Variants in SLC9A2 observed in about 807,000 individuals in gnomAD.
SLC9A2 encodes solute carrier family 9 member A2, also known as sodium/hydrogen exchanger 2.
In SLC9A2, 42 loss-of-function variants were observed where a neutral mutation model predicts 71.7. The observed-to-expected ratio is 0.59, with a 90% CI of 0.46 to 0.76. SLC9A2 has a LOEUF of 0.76. Ranked by LOEUF, SLC9A2 falls within the 30% of genes least tolerant of loss-of-function variation. The pLI is 0.00. For missense variants in SLC9A2, 829 were observed against 1,017.4 expected (o/e 0.81, Z 2.52); for synonymous variants, 396 against 392.5 (o/e 1.01, Z -0.10).
At chr2:102,705,105 C>T (rs1011822168) in intron 10 of SLC9A2, among the ~76,000 whole-genome samples, 4 of 151,840 alleles carry the variant, frequency 2.6e-5, no homozygotes, top group Non-Finnish European at 2.9e-5. Context: ...TCTTGGGAGA[C>T]TGAGACAGAA....
intron 5 of SLC9A2, among the ~76,000 whole-genome samples, chr2:102,693,407 T>C (rs1677700454): frequency 6.6e-6 from 1 of 152,210 alleles, no homozygotes. Context: ...CATCCTTGTG[T>C]TATTTCTGGC....
At chr2:102,678,341 CAG>C (rs750233161) in intron 3 of SLC9A2, among the ~76,000 whole-genome samples, 2 of 132,638 alleles carry the variant, frequency 1.5e-5, no homozygotes. Flanking sequence ...AAAAAAAAAA[CAG>C]AGAGAGAGAG....
chr2:102,703,134 G>A (rs901038161), intron 9 of SLC9A2, among the ~76,000 whole-genome samples: 1 of 152,186 alleles, frequency 6.6e-6, no homozygotes, highest in Non-Finnish European at 1.5e-5. Flanking sequence ...TCATGTGGGG[G>A]CTGTTTCAGC....
chr2:102,668,272 C>T lies in SLC9A2; in HGVS notation c.1004+2922C>T, dbSNP rs189656480. On this transcript the variant is annotated intron_variant, in intron 3 of 11. Transcript: ENST00000233969. ...TATGTTTGTTCTCAGAAGTTATACC[C>T]TCTTTTCTAATGCGGGGTAATCAGT... Among the ~76,000 whole-genome samples the T allele has an allele frequency of 4.9e-3, 746 of 152,266 alleles. 5 individuals are homozygous for T. The highest frequency in any genetic ancestry group is 0.017 in the African/African-American group (697 of 41,550).
intron 1 of SLC9A2, among the ~76,000 whole-genome samples, chr2:102,636,782 T>A (rs935840307): frequency 7.9e-5 from 12 of 152,186 alleles, no homozygotes; most frequent in African/African-American, 2.7e-4. Context: ...AGAGTCTTTA[T>A]CAGCACTGGC....
chr2:102,704,307 A>C (rs1308786893), intron 9 of SLC9A2, among the ~76,000 whole-genome samples: 1 of 151,902 alleles, frequency 6.6e-6, no homozygotes, highest in Non-Finnish European at 1.5e-5. Flanking sequence ...CAAGACCCCA[A>C]CTCTAAAAAA....
intron 1 of SLC9A2, among the ~76,000 whole-genome samples, chr2:102,621,194 G>T (rs1176944808): frequency 1.3e-5 from 2 of 151,726 alleles, no homozygotes; most frequent in Admixed American, 6.6e-5. Flanking sequence ...TAGGTAGCCT[G>T]GTGTTGTGGT....
chr2:102,691,379 T>G (rs1238215342), intron 5 of SLC9A2, among the ~76,000 whole-genome samples: 1 of 152,152 alleles, frequency 6.6e-6, no homozygotes, highest in East Asian at 1.9e-4. Context: ...AATTAGAAAT[T>G]TTCTAATGTG....
intron 7 of SLC9A2, among the ~76,000 whole-genome samples, chr2:102,698,199 G>GA (rs1381519475): frequency 6.6e-6 from 1 of 152,130 alleles, no homozygotes; most frequent in Non-Finnish European, 1.5e-5. Context: ...ATTAAAAGTA[G>GA]AGAAAAGTAA....
chr2:102,694,918 T>C, intron 6 of SLC9A2, 125 bp from the exon 7 acceptor site: 1 of 751,626 alleles, frequency 1.3e-6, no homozygotes. Flanking sequence ...CTTTTGGTAA[T>C]AAATAATAAA....
intron 4 of SLC9A2, among the ~76,000 whole-genome samples, chr2:102,683,860 T>C (rs1036315181): frequency 2.0e-5 from 3 of 152,170 alleles, no homozygotes; most frequent in Admixed American, 6.5e-5. Context: ...CTTCCTGATA[T>C]ATTCTTTTCT....
At chr2:102,636,045 A>T (rs1676462769) in intron 1 of SLC9A2, among the ~76,000 whole-genome samples, 1 of 152,210 alleles carries the variant, frequency 6.6e-6, no homozygotes, top group Non-Finnish European at 1.5e-5. Flanking sequence ...TGAATGTGTT[A>T]GTAGGTTTGA....
chr2:102,687,335 T>C (rs1458890081), intron 5 of SLC9A2, among the ~76,000 whole-genome samples: 1 of 152,032 alleles, frequency 6.6e-6, no homozygotes, highest in African/African-American at 2.4e-5. Flanking sequence ...AATACACACA[T>C]ACTCCCTTCA....
chr2:102,664,771 G>C (rs1486815955), intron 2 of SLC9A2, among the ~76,000 whole-genome samples: 1 of 152,106 alleles, frequency 6.6e-6, no homozygotes, highest in African/African-American at 2.4e-5. Context: ...GTGCTGGATA[G>C]CAAACAAATA....
chr2:102,680,002 G>C (rs914965825), intron 3 of SLC9A2, among the ~76,000 whole-genome samples: 3 of 152,220 alleles, frequency 2.0e-5, no homozygotes, highest in Non-Finnish European at 4.4e-5. Flanking sequence ...AGGCTGGGTA[G>C]TGGGTACTTT....
At chr2:102,645,339 GA>G (rs1056624155) in intron 1 of SLC9A2, among the ~76,000 whole-genome samples, 3 of 151,690 alleles carry the variant, frequency 2.0e-5, no homozygotes, top group Admixed American at 1.3e-4. Flanking sequence ...CCACAAAGAC[GA>G]AAAAAAACCA....
At chr2:102,682,885 T>C (rs1346635476) in intron 3 of SLC9A2, among the ~76,000 whole-genome samples, 1 of 152,202 alleles carries the variant, frequency 6.6e-6, no homozygotes, top group African/African-American at 2.4e-5. Context: ...AGGGCATATG[T>C]GGGAAAATAA....
At chr2:102,657,389 G>A (rs774700000) in intron 1 of SLC9A2, among the ~76,000 whole-genome samples, 175 bp from the exon 2 acceptor site, 1 of 152,070 alleles carries the variant, frequency 6.6e-6, no homozygotes. Context: ...TTCATGAATA[G>A]TTTTAAGGGA....
chr2:102,665,541 G>C (rs1275513090), intron 3 of SLC9A2, among the ~76,000 whole-genome samples, 191 bp downstream of exon 3: 1 of 151,998 alleles, frequency 6.6e-6, no homozygotes, highest in African/African-American at 2.4e-5. Flanking sequence ...TTGGGAGGCC[G>C]AGACGCGTGG....
Sources: allele counts gnomAD v4.1 joint callset (sites outside exome capture counted in the v4.1 genomes callset), GRCh38; gene constraint gnomAD v4.1.1; transcripts MANE v1.5; gene names NCBI Gene and HGNC (gene_info 2026-07-23, HGNC 2026-07-21).